POLN: variants seen among roughly 807,000 people sequenced by gnomAD.
The protein encoded by POLN is DNA polymerase N.
Under a neutral mutation model 113.5 loss-of-function variants are expected in POLN, and 108 were observed. That is an observed-to-expected ratio of 0.95 (90% CI 0.81 to 1.12). POLN has a LOEUF of 1.12. POLN is among the 50% of genes most tolerant of loss of function. The pLI is 0.00. For missense variants in POLN, 1,097 were observed against 1,077.1 expected (o/e 1.02, Z -0.26); for synonymous variants, 386 against 391.5 (o/e 0.99, Z 0.17).
intron 5 of POLN, 34 bp from the exon 6 acceptor site, chr4:2,198,751 A>G (rs1733642917): frequency 6.5e-7 from 1 of 1,535,172 alleles, no homozygotes; most frequent in Non-Finnish European, 8.8e-7. Flanking sequence ...TTAAACCCAG[A>G]CAACATATCT....
At chr4:2,151,811 T>C (rs1251412414) in intron 16 of POLN, among the ~76,000 whole-genome samples, 1 of 152,070 alleles carries the variant, frequency 6.6e-6, no homozygotes, top group Admixed American at 6.5e-5. Flanking sequence ...GCCAAGGACA[T>C]GGGTAAAAGA....
chr4:2,208,237 T>C lies in POLN; in HGVS notation c.464A>G (p.Lys155Arg). 1 of 1,590,066 alleles carries C rather than the reference T, an allele frequency of 6.3e-7. No homozygotes were observed. The highest frequency in any genetic ancestry group is 8.6e-7 in the Non-Finnish European group (1 of 1,161,310). ...ATTATTATATGTAATATGTTTTCTT[T>C]TAAGATTAATGCTTCCTTTATTTTC... is the stretch of plus-strand genomic sequence containing the variant. Reference protein sequence around the residue: ...NNENKGSINLKRKHITYNNLS... With the variant: ...NNENKGSINLRRKHITYNNLS... The change falls in exon 5 of 26, where the codon AAA (lysine) becomes AGA (arginine). Residue 155 changes from lysine to arginine, a missense_variant. Physicochemically the swap from Lys to Arg is conservative, Grantham distance 26. Coordinates refer to ENST00000511885, the MANE Select transcript of POLN (RefSeq NM_181808.4).
intron 13 of POLN, among the ~76,000 whole-genome samples, chr4:2,164,459 C>A (rs1265215690): frequency 6.8e-6 from 1 of 147,070 alleles, no homozygotes; most frequent in Non-Finnish European, 1.5e-5. Flanking sequence ...TGCTATCACA[C>A]CATTGCTCTC....
chr4:2,156,075 C>T (rs1181912801), intron 16 of POLN, among the ~76,000 whole-genome samples: 1 of 152,242 alleles, frequency 6.6e-6, no homozygotes, highest in East Asian at 1.9e-4. Flanking sequence ...CCTCATGATC[C>T]ACCGCCTCGG....
At chr4:2,232,024 A>T in intron 2 of POLN, 1 of 1,511,470 alleles carries the variant, frequency 6.6e-7, no homozygotes, top group Non-Finnish European at 9.1e-7. Flanking sequence ...ATATACATAG[A>T]ATTCTCTTTC....
chr4:2,207,847 C>T, intron 5 of POLN, 140 bp downstream of exon 5: 1 of 934,006 alleles, frequency 1.1e-6, no homozygotes, highest in Non-Finnish European at 1.6e-6. Flanking sequence ...TGGGAGCATA[C>T]ATTGTCAATC....
chr4:2,239,176 A>C (rs1172708144), intron 2 of POLN: 1 of 521,228 alleles, frequency 1.9e-6, no homozygotes, highest in Non-Finnish European at 3.2e-6. Context: ...ATATTCATAT[A>C]AACAAAAATT....
intron 7 of POLN, among the ~76,000 whole-genome samples, chr4:2,182,825 TAA>T (rs75222248): frequency 7.6e-5 from 11 of 144,304 alleles, no homozygotes; most frequent in African/African-American, 2.2e-4. Context: ...CGGATTTCCT[TAA>T]AAAAAAAAAA....
Position 2,174,022 on chromosome 4 carries a change from G to A in POLN, c.1310-3C>T. ...CTGAATGGCATGGCTTTCCATCACTGTGATTCGAAACCCAAACCAGATCAT... is the reference window on the plus strand; with the variant it reads ...CTGAATGGCATGGCTTTCCATCACTATGATTCGAAACCCAAACCAGATCAT... On this transcript the variant is annotated splice_polypyrimidine_tract_variant and splice_region_variant and intron_variant, in intron 10 of 25. Coordinates refer to ENST00000511885, the MANE Select transcript of POLN (RefSeq NM_181808.4). The A allele has an allele frequency of 6.2e-7, 1 of 1,614,054 alleles. No homozygotes were observed. Among genetic ancestry groups the A allele is most frequent in the Non-Finnish European group, 8.5e-7 (1 of 1,179,934 alleles).
intron 9 of POLN, 73 bp from the exon 10 acceptor site, chr4:2,174,824 CTTTTT>C (rs35293526): frequency 4.2e-5 from 35 of 832,068 alleles, no homozygotes; most frequent in Admixed American, 8.5e-5. Flanking sequence ...GAAAAGCCTA[CTTTTT>C]TTTTTTTTTT....
At chr4:2,095,774 A>G in intron 20 of POLN, 77 bp downstream of exon 20, 1 of 1,316,284 alleles carries the variant, frequency 7.6e-7, no homozygotes. Context: ...TCTGAGGCAC[A>G]GCCACATTTA....
chr4:2,199,954 T>TA (rs1481359625), intron 5 of POLN, among the ~76,000 whole-genome samples: 1 of 151,940 alleles, frequency 6.6e-6, no homozygotes, highest in Non-Finnish European at 1.5e-5. Context: ...AAAATGCCTT[T>TA]AAAAAAATGA....
intron 5 of POLN, among the ~76,000 whole-genome samples, chr4:2,201,492 A>G (rs1015966775): frequency 3.3e-5 from 5 of 151,972 alleles, no homozygotes; most frequent in Middle Eastern, 3.4e-3. Flanking sequence ...CCAATCCAAC[A>G]AAGACAAAGA....
intron 21 of POLN, among the ~76,000 whole-genome samples, chr4:2,083,439 C>T (rs1358281429): frequency 6.6e-6 from 1 of 152,238 alleles, no homozygotes; most frequent in African/African-American, 2.4e-5. Flanking sequence ...GTGTTGGAAA[C>T]GGCTGCTCCA....
intron 1 of POLN, 118 bp from the exon 2 acceptor site, chr4:2,241,908 G>A (rs969820780): frequency 1.0e-6 from 1 of 985,364 alleles, no homozygotes; most frequent in African/African-American, 1.7e-5. Context: ...ACCGGGCCCT[G>A]ATCCCCGGGC....
chr4:2,237,270 A>AT (rs5855728), intron 2 of POLN, among the ~76,000 whole-genome samples: 36,237 of 146,044 alleles, frequency 0.25, 6,873 homozygotes, highest in African/African-American at 0.52. Context: ...ATCTCTACAA[A>AT]TTTTTTTTTT....
At chr4:2,218,729 G>T (rs2108768827) in intron 3 of POLN, among the ~76,000 whole-genome samples, 1 of 152,314 alleles carries the variant, frequency 6.6e-6, no homozygotes, top group South Asian at 2.1e-4. Context: ...GGATGGAAAA[G>T]AATGTGTTCA....
chr4:2,228,323 A>G, intron 3 of POLN: 1 of 209,074 alleles, frequency 4.8e-6, no homozygotes, highest in Non-Finnish European at 9.8e-6. Flanking sequence ...TTTCAGTGAC[A>G]TTTGTGAGCA....
chr4:2,152,568 T>C (rs1278237286), intron 16 of POLN, among the ~76,000 whole-genome samples: 2 of 151,796 alleles, frequency 1.3e-5, no homozygotes, highest in Non-Finnish European at 1.5e-5. Context: ...TTAAAAATAT[T>C]AGTCAACTGT....
Sources: gnomAD v4.1 joint callset for allele counts (sites outside exome capture counted in the v4.1 genomes callset) on GRCh38, gnomAD v4.1.1 for gene constraint, MANE v1.5 for transcripts, NCBI Gene and HGNC (gene_info 2026-07-23, HGNC 2026-07-21) for gene names.